The following ZC3H7A variants were observed in gnomAD, a reference collection of about 807,000 sequenced individuals.
ZC3H7A encodes the protein zinc finger CCCH-type containing 7A, also known as zinc finger CCCH domain-containing protein 7A.
A neutral mutation model predicts 125.5 loss-of-function variants in ZC3H7A; 44 were observed. The observed-to-expected ratio is 0.35, with a 90% confidence interval of 0.28 to 0.45. ZC3H7A has a LOEUF of 0.45. ZC3H7A is among the 20% of genes least tolerant of loss of function. ZC3H7A has a pLI of 1.00. For synonymous variants in ZC3H7A, 399 were observed against 391.2 expected (o/e 1.02, Z -0.23); for missense variants, 977 against 1,170.7 (o/e 0.83, Z 2.41).
intron 1 of ZC3H7A, among the ~76,000 whole-genome samples, chr16:11,788,904 G>A (rs375264698): frequency 3.9e-5 from 6 of 152,226 alleles, no homozygotes; most frequent in African/African-American, 9.6e-5. Context: ...GAGCCACCAC[G>A]CTCGGCCTCA....
At position 11,756,303 on chromosome 16, in the gene ZC3H7A, T is replaced by C. The variant is rs2052648370; in HGVS notation, c.2496A>G (p.Ile832Met). 6.2e-7 allele frequency: 1 copy of C among 1,614,204 alleles called. No homozygotes were observed. The highest frequency in any genetic ancestry group is 1.7e-5 in the Admixed American group (1 of 60,010). Residue 832 changes from isoleucine to methionine, a missense_variant, in exon 21 of 23, where the codon ATA (isoleucine) becomes ATG (methionine). By Grantham distance (10) the Ile-to-Met change is conservative (BLOSUM62 1). This residue lies in a region of ZC3H7A where 436 missense variants were observed against 603.2 expected (regional missense o/e 0.72). Coordinates refer to ENST00000355758, the MANE Select transcript of ZC3H7A (RefSeq NM_014153.4). ...CATTTTCCTTGTTTGACTGACTGGCTATGTCTTCACTTTTTTCATTTTTTT... is the reference window on the plus strand; with the variant it reads ...CATTTTCCTTGTTTGACTGACTGGCCATGTCTTCACTTTTTTCATTTTTTT... Reference protein sequence around the residue: ...KSQKNEKSEDIASQSNKENGK... With the variant: ...KSQKNEKSEDMASQSNKENGK...
At chr16:11,755,123 T>C (rs1414583106) in intron 21 of ZC3H7A, among the ~76,000 whole-genome samples, 1 of 149,686 alleles carries the variant, frequency 6.7e-6, no homozygotes, top group East Asian at 2.0e-4. Flanking sequence ...GGCAGGAGAA[T>C]CGCTTGAACC....
intron 1 of ZC3H7A, chr16:11,796,598 C>T (rs541038810): frequency 1.7e-4 from 26 of 153,856 alleles, no homozygotes; most frequent in African/African-American, 6.0e-4. Flanking sequence ...CGGGCGGCGC[C>T]CCCGCCTCCG....
chr16:11,781,576 T>C, intron 2 of ZC3H7A, 112 bp from the exon 3 acceptor site: 1 of 1,038,354 alleles, frequency 9.6e-7, no homozygotes, highest in South Asian at 1.6e-5. Context: ...GTTCAAGGCA[T>C]ATTTCAAAGA....
chr16:11,794,940 T>G (rs988261597), intron 1 of ZC3H7A, among the ~76,000 whole-genome samples: 38 of 152,174 alleles, frequency 2.5e-4, no homozygotes, highest in African/African-American at 9.2e-4. Context: ...AAAGTCACAG[T>G]AACATGAAGA....
intron 1 of ZC3H7A, chr16:11,796,149 A>T (rs1268714071): frequency 6.6e-6 from 1 of 152,242 alleles, no homozygotes; most frequent in Non-Finnish European, 1.5e-5. Flanking sequence ...AATTTTAATG[A>T]TCTATTTTCG....
intron 15 of ZC3H7A, among the ~76,000 whole-genome samples, chr16:11,764,661 G>T (rs1043647860): frequency 7.2e-5 from 11 of 152,182 alleles, no homozygotes; most frequent in African/African-American, 2.7e-4. Context: ...GGCAGAACTT[G>T]CAGTGAGCCA....
chr16:11,756,094 C>T (rs749190861), intron 21 of ZC3H7A, 143 bp downstream of exon 21: 78 of 1,181,950 alleles, frequency 6.6e-5, no homozygotes, highest in Admixed American at 2.4e-4. Context: ...ACCAGGGAGG[C>T]GGAGGTTGCA....
At chr16:11,793,699 C>G (rs1209302824) in intron 1 of ZC3H7A, among the ~76,000 whole-genome samples, 1 of 152,184 alleles carries the variant, frequency 6.6e-6, no homozygotes, top group African/African-American at 2.4e-5. Flanking sequence ...TTAACTGGCT[C>G]TTGCAACACT....
intron 8 of ZC3H7A, 142 bp downstream of exon 8, chr16:11,774,838 G>A (rs915944591): frequency 4.7e-6 from 5 of 1,066,206 alleles, no homozygotes; most frequent in Non-Finnish European, 6.7e-6. Flanking sequence ...AGGGAGCATT[G>A]GAAATCATTT....
intron 1 of ZC3H7A, chr16:11,782,679 G>A (rs976134933): frequency 5.3e-5 from 10 of 189,274 alleles, no homozygotes; most frequent in Non-Finnish European, 6.4e-5. Context: ...GCGATCTCGC[G>A]ATCTCGGCTC....
At chr16:11,790,358 C>A (rs532321852) in intron 1 of ZC3H7A, among the ~76,000 whole-genome samples, 1 of 152,332 alleles carries the variant, frequency 6.6e-6, no homozygotes, top group Non-Finnish European at 1.5e-5. Context: ...ACTTCCTTGT[C>A]TGTGAATTGT....
chr16:11,766,224 G>C (rs2052854879), intron 13 of ZC3H7A, among the ~76,000 whole-genome samples: 2 of 152,178 alleles, frequency 1.3e-5, no homozygotes, highest in South Asian at 4.1e-4. Flanking sequence ...TCAGTGTTTT[G>C]ATTCTGTTTA....
At chr16:11,768,915 C>A in intron 11 of ZC3H7A, 116 bp downstream of exon 11, 1 of 1,018,170 alleles carries the variant, frequency 9.8e-7, no homozygotes, top group Non-Finnish European at 1.4e-6. Context: ...AACACAATTT[C>A]CTGCAGCACA....
chr16:11,762,295 T>C (rs971681260), intron 17 of ZC3H7A, among the ~76,000 whole-genome samples: 4 of 152,154 alleles, frequency 2.6e-5, no homozygotes, highest in Admixed American at 2.0e-4. Flanking sequence ...ATGACTAGAA[T>C]TGTTTCATTT....
At chr16:11,752,597 T>C (rs1237003369) in intron 22 of ZC3H7A, 72 bp downstream of exon 22, 13 of 1,541,508 alleles carry the variant, frequency 8.4e-6, no homozygotes, top group Non-Finnish European at 1.1e-5. Context: ...AGGTATTCCG[T>C]GTCAGCTGAC....
chr16:11,777,278 G>A (rs1299871696), intron 4 of ZC3H7A, among the ~76,000 whole-genome samples: 3 of 152,062 alleles, frequency 2.0e-5, no homozygotes, highest in Admixed American at 6.6e-5. Context: ...AAACAGAAAC[G>A]TAACTCCAAA....
intron 1 of ZC3H7A, among the ~76,000 whole-genome samples, chr16:11,789,687 A>T (rs1298980396): frequency 1.3e-5 from 2 of 152,146 alleles, no homozygotes; most frequent in African/African-American, 4.8e-5. Flanking sequence ...CCATAATTTT[A>T]CCAGGCCTCT....
chr16:11,778,405 C>A (rs1027272777), intron 4 of ZC3H7A, among the ~76,000 whole-genome samples: 1 of 143,150 alleles, frequency 7.0e-6, no homozygotes, highest in Non-Finnish European at 1.5e-5. Flanking sequence ...CCACTGCACT[C>A]CAGCCTGGGT....
Sources: gnomAD v4.1 joint callset for allele counts (sites outside exome capture counted in the v4.1 genomes callset) on GRCh38, gnomAD v4.1.1 for gene constraint, gnomAD v4.1.1 regional missense constraint, MANE v1.5 for transcripts, NCBI Gene and HGNC (gene_info 2026-07-23, HGNC 2026-07-21) for gene names.